TAOK1: variants seen among roughly 807,000 people sequenced by gnomAD.
TAOK1 encodes serine/threonine-protein kinase TAO1.
Under a neutral mutation model 138.3 loss-of-function variants are expected in TAOK1, and 21 were observed. That is an observed-to-expected ratio of 0.15 (90% confidence interval 0.11 to 0.22). TAOK1 has a LOEUF of 0.22. Ranked by LOEUF, TAOK1 falls within the 10% of genes least tolerant of loss-of-function variation. The pLI, the probability that TAOK1 is intolerant of heterozygous loss-of-function variation, is 1.00. For missense variants in TAOK1, 651 were observed against 1,227.7 expected (o/e 0.53, Z 7.02); for synonymous variants, 361 against 398.4 (o/e 0.91, Z 1.12).
intron 12 of TAOK1, among the ~76,000 whole-genome samples, chr17:29,498,956 A>G (rs1231600625): frequency 5.9e-5 from 9 of 152,068 alleles, no homozygotes. Flanking sequence ...ACATTTTTTA[A>G]TGGAAAAAGC....
intron 1 of TAOK1, among the ~76,000 whole-genome samples, chr17:29,392,265 C>G (rs1009072919): frequency 6.6e-6 from 1 of 152,142 alleles, no homozygotes. Flanking sequence ...CTGTCTGATT[C>G]AGGGCATTTC....
intron 3 of TAOK1, among the ~76,000 whole-genome samples, chr17:29,472,776 A>G (rs1479587779): frequency 1.3e-5 from 2 of 151,136 alleles, no homozygotes; most frequent in Admixed American, 1.3e-4. Context: ...GGGTTTCTCC[A>G]TGTCGGTCAG....
At chr17:29,405,052 T>C (rs935779939) in intron 1 of TAOK1, among the ~76,000 whole-genome samples, 8 of 152,146 alleles carry the variant, frequency 5.3e-5, no homozygotes, top group Non-Finnish European at 8.8e-5. Flanking sequence ...TGATCTCGGC[T>C]CACCGCAACC....
rs115860352 is a variant in TAOK1 at position 29,394,064 on chromosome 17, A to G, written c.-95+3040A>G. Among the ~76,000 whole-genome samples, 755 of 151,918 alleles carry G rather than the reference A, an allele frequency of 5.0e-3. 12 individuals are homozygous for G. Among genetic ancestry groups the G allele is most frequent in the African/African-American group, 0.017 (725 of 41,436 alleles). ...ATGTTACGATGCCATTTTAACAGTA[A>G]GAAAGCAACTCTTTAGTTACAGGAT... is the stretch of plus-strand genomic sequence containing the variant. On this transcript the variant is annotated intron_variant, in intron 1 of 19. Coordinates refer to ENST00000261716, the MANE Select transcript of TAOK1 (RefSeq NM_020791.4).
intron 19 of TAOK1, among the ~76,000 whole-genome samples, chr17:29,538,653 T>C (rs754684234): frequency 6.6e-6 from 1 of 152,234 alleles, no homozygotes; most frequent in Non-Finnish European, 1.5e-5. Context: ...TAGTTGATTC[T>C]AGATGAAAAA....
rs781056620 is a variant in TAOK1 at position 29,549,617 on chromosome 17, G to T, written c.*6595G>T. The T allele has an allele frequency of 1.3e-5, 2 of 152,164 alleles. No homozygotes were observed. Among genetic ancestry groups the T allele is most frequent in the Non-Finnish European group, 2.9e-5 (2 of 68,024 alleles). 9.4% of individuals were successfully genotyped at this position (152,164 alleles called of 1,614,324 possible). ...TGGACTGAATTATGTGACTTTAAAG[G>T]ATGTAACTGCCCAACATTTGCAGAT... is the stretch of plus-strand genomic sequence containing the variant. On this transcript the variant is annotated 3_prime_UTR_variant, in exon 20 of 20. Transcript: ENST00000261716.
intron 11 of TAOK1, among the ~76,000 whole-genome samples, chr17:29,497,328 A>G (rs965631897): frequency 2.0e-5 from 3 of 152,166 alleles, no homozygotes; most frequent in Admixed American, 2.0e-4. Context: ...GATTATTTTT[A>G]GTTCTTAATG....
intron 4 of TAOK1, among the ~76,000 whole-genome samples, chr17:29,476,033 G>T (rs947168499): frequency 3.9e-5 from 6 of 152,186 alleles, no homozygotes; most frequent in African/African-American, 1.4e-4. Context: ...AGTTTTAGTA[G>T]TACCATTCAA....
intron 3 of TAOK1, among the ~76,000 whole-genome samples, chr17:29,470,945 G>GA (rs1156539776): frequency 6.6e-6 from 1 of 152,060 alleles, no homozygotes; most frequent in Non-Finnish European, 1.5e-5. Context: ...CAATGTGGTG[G>GA]AAAACCCTGT....
intron 3 of TAOK1, among the ~76,000 whole-genome samples, chr17:29,467,709 C>T (rs941128756): frequency 6.6e-6 from 1 of 152,128 alleles, no homozygotes; most frequent in African/African-American, 2.4e-5. Context: ...TTTCACAAAC[C>T]GATGTACCCA....
chr17:29,392,343 A>G (rs1904461831), intron 1 of TAOK1, among the ~76,000 whole-genome samples: 1 of 152,166 alleles, frequency 6.6e-6, no homozygotes, highest in African/African-American at 2.4e-5. Flanking sequence ...TTTTTTTAAA[A>G]TGGTAAGGTT....
Position 29,390,450 on chromosome 17 carries a change from A to G in TAOK1, c.-669A>G, listed in dbSNP as rs1904375944. 1 of 151,946 alleles carries G rather than the reference A, an allele frequency of 6.6e-6. No individual in the cohort carries two copies. Among genetic ancestry groups the G allele is most frequent in the South Asian group, 2.1e-4 (1 of 4,806 alleles). 9.4% of individuals were successfully genotyped at this position (151,946 alleles called of 1,614,324 possible). A position where few individuals can be genotyped will look rare whatever the true frequency, so the allele number is the denominator to read the frequency against. Reference sequence around the variant, plus strand: ...CTGAGTCGGTGCCGCCGCCTGCCTGAGGAGAGAGGAGGGGTCCCGCTCGCC... The same window carrying G: ...CTGAGTCGGTGCCGCCGCCTGCCTGGGGAGAGAGGAGGGGTCCCGCTCGCC... On this transcript the variant is annotated 5_prime_UTR_variant, in exon 1 of 20. Transcript: ENST00000261716.
At chr17:29,520,183 GAAAA>G (rs535870675) in intron 16 of TAOK1, among the ~76,000 whole-genome samples, 1 of 70,194 alleles carries the variant, frequency 1.4e-5, no homozygotes, top group Admixed American at 1.6e-4. Context: ...TCTGTCTGAA[GAAAA>G]AAAAAAAAAA....
intron 8 of TAOK1, among the ~76,000 whole-genome samples, 156 bp from the exon 9 acceptor site, chr17:29,489,508 T>TA (rs1007145667): frequency 8.8e-5 from 13 of 147,320 alleles, no homozygotes; most frequent in Middle Eastern, 3.4e-3. Flanking sequence ...AGAAAAAAAA[T>TA]AAAAAAAAAG....
chr17:29,478,102 C>T, intron 5 of TAOK1, 149 bp from the exon 6 acceptor site: 1 of 544,220 alleles, frequency 1.8e-6, no homozygotes, highest in Non-Finnish European at 3.1e-6. Context: ...CAACTGCATA[C>T]AAGTTATAAA....
At chr17:29,405,671 C>A (rs1007574041) in intron 1 of TAOK1, among the ~76,000 whole-genome samples, 1 of 151,880 alleles carries the variant, frequency 6.6e-6, no homozygotes, top group African/African-American at 2.4e-5. Flanking sequence ...CCCAGCTACT[C>A]GGGAGGCAGA....
At chr17:29,523,824 A>T (rs1293254151) in intron 17 of TAOK1, among the ~76,000 whole-genome samples, 1 of 152,150 alleles carries the variant, frequency 6.6e-6, no homozygotes, top group African/African-American at 2.4e-5. Flanking sequence ...TCCTATTTAA[A>T]GCTTCTCCTG....
At chr17:29,489,595 G>GA (rs2034223547) in intron 8 of TAOK1, 69 bp from the exon 9 acceptor site, 1 of 976,884 alleles carries the variant, frequency 1.0e-6, no homozygotes. Context: ...AAAAAAAAAG[G>GA]AAAAACGTGC....
Position 29,528,144 on chromosome 17 carries a change from G to A in TAOK1, c.2149-2263G>A, listed in dbSNP as rs753643330. Among the ~76,000 whole-genome samples, 18 of 152,186 alleles carry A rather than the reference G, an allele frequency of 1.2e-4. No homozygotes were observed. In the South Asian group the frequency reaches 2.1e-3, roughly 18 times the overall value. The stretch of plus-strand genomic sequence containing the variant: ...AGCTCACTGCAGCCTCCACCTCCCG[G>A]GTTCAAGCAATTCTTGTGCCTCAGC... On this transcript the variant is annotated intron_variant, in intron 17 of 19. Coordinates refer to ENST00000261716, the MANE Select transcript of TAOK1 (RefSeq NM_020791.4).
Sources: gnomAD v4.1 joint callset for allele counts (sites outside exome capture counted in the v4.1 genomes callset) on GRCh38, gnomAD v4.1.1 for gene constraint, MANE v1.5 for transcripts, NCBI Gene and HGNC (gene_info 2026-07-23, HGNC 2026-07-21) for gene names.